PCDH9: variants seen among roughly 807,000 people sequenced by gnomAD.
PCDH9 encodes the protein protocadherin-9.
Under a neutral mutation model 70.6 loss-of-function variants are expected in PCDH9, and 24 were observed. The ratio of observed to expected loss-of-function variants is 0.34; its 90% confidence interval spans 0.25 to 0.48. The LOEUF (loss-of-function observed/expected upper bound fraction) is 0.48, where lower values mean the gene tolerates loss of function less well. PCDH9 is among the 20% of genes least tolerant of loss of function. The probability of loss-of-function intolerance (pLI) is 0.99; values close to 1 mark genes in which losing one functional copy is unlikely to be tolerated. For synonymous variants in PCDH9, 562 were observed against 558.5 expected (o/e 1.01, Z -0.09); for missense variants, 1,281 against 1,503.6 (o/e 0.85, Z 2.45).
intron 2 of PCDH9, among the ~76,000 whole-genome samples, chr13:66,966,376 G>A (rs1225978802): frequency 6.6e-6 from 1 of 152,076 alleles, no homozygotes; most frequent in Non-Finnish European, 1.5e-5. Context: ...TGTGGGTGAT[G>A]AAAACAATTC....
intron 2 of PCDH9, among the ~76,000 whole-genome samples, chr13:67,122,646 T>C (rs1438864158): frequency 2.0e-5 from 3 of 151,756 alleles, no homozygotes; most frequent in African/African-American, 4.8e-5. Flanking sequence ...TAGTGATGCG[T>C]GCCTGTAATC....
chr13:66,966,386 C>A (rs536208101), intron 2 of PCDH9, among the ~76,000 whole-genome samples: 72 of 152,048 alleles, frequency 4.7e-4, no homozygotes, highest in Non-Finnish European at 9.3e-4. Flanking sequence ...GAAAACAATT[C>A]CAAACTTTAA....
At chr13:66,912,123 A>G (rs1425709760) in intron 2 of PCDH9, among the ~76,000 whole-genome samples, 1 of 152,194 alleles carries the variant, frequency 6.6e-6, no homozygotes, top group Non-Finnish European at 1.5e-5. Flanking sequence ...TTCAAATATA[A>G]TTGGAGAGGT....
chr13:66,436,478 T>G (rs931546828), intron 4 of PCDH9, among the ~76,000 whole-genome samples: 71 of 152,276 alleles, frequency 4.7e-4, no homozygotes, highest in African/African-American at 1.7e-3. Context: ...ACCAAAATCT[T>G]TGTAGGGTTG....
intron 2 of PCDH9, among the ~76,000 whole-genome samples, chr13:67,007,870 A>G (rs2084382727): frequency 1.3e-5 from 2 of 152,196 alleles, no homozygotes; most frequent in Non-Finnish European, 2.9e-5. Flanking sequence ...ACTTTACCTC[A>G]TGAAAAACAT....
At chr13:67,221,363 A>G (rs946641376) in intron 2 of PCDH9, 1 of 152,140 alleles carries the variant, frequency 6.6e-6, no homozygotes, top group Non-Finnish European at 1.5e-5. Context: ...CATAAATGTA[A>G]TATAGTATCT....
chr13:66,841,418 T>C (rs1221712974), intron 3 of PCDH9, among the ~76,000 whole-genome samples: 1 of 152,186 alleles, frequency 6.6e-6, no homozygotes, highest in Non-Finnish European at 1.5e-5. Context: ...CAGCATAATA[T>C]GCTATTGAAA....
chr13:66,588,822 T>TA lies in PCDH9; in HGVS notation c.3340+42387dup, dbSNP rs532796338. Among the ~76,000 whole-genome samples the TA allele has an allele frequency of 5.2e-3, 758 of 144,502 alleles. 22 individuals are homozygous for TA. In the East Asian group the frequency reaches 0.087, roughly 17 times the overall value. The allele number at this position is 144,502 out of a possible 152,430, so 94.8% of individuals were successfully genotyped here. ...GGGTTCTAATGCAGTGTGTTGAAGT[T>TA]AAAAAAAAAAACTACAGATAAAAAT... On this transcript the variant is annotated intron_variant, in intron 4 of 4. Coordinates refer to ENST00000377865, the MANE Select transcript of PCDH9 (RefSeq NM_203487.3).
chr13:66,857,527 T>C (rs1457516065), intron 3 of PCDH9, among the ~76,000 whole-genome samples: 1 of 152,138 alleles, frequency 6.6e-6, no homozygotes, highest in Admixed American at 6.6e-5. Flanking sequence ...ATTGGTGTGC[T>C]AAAAGCAACA....
chr13:66,937,286 G>A lies in PCDH9; in HGVS notation c.3037-33681C>T, dbSNP rs2082932239. On this transcript the variant is annotated intron_variant, in intron 2 of 4. Transcript: ENST00000377865. ...CAGTCTCAGTAATGTTATTTAACTTGCAGAAACTTGCGGAGTTGTAGTATC... is the reference window on the plus strand; with the variant it reads ...CAGTCTCAGTAATGTTATTTAACTTACAGAAACTTGCGGAGTTGTAGTATC... Among the ~76,000 whole-genome samples, 3 of 152,164 alleles carry A rather than the reference G, an allele frequency of 2.0e-5. 1 individual carries two copies. Among genetic ancestry groups the A allele is most frequent in the African/African-American group, 7.2e-5 (3 of 41,462 alleles).
intron 4 of PCDH9, among the ~76,000 whole-genome samples, chr13:66,553,163 C>CA (rs1961568601): frequency 6.6e-6 from 1 of 152,082 alleles, no homozygotes; most frequent in Non-Finnish European, 1.5e-5. Flanking sequence ...CTATACCAGT[C>CA]AAAAAGAACA....
intron 2 of PCDH9, among the ~76,000 whole-genome samples, chr13:66,939,008 A>T (rs185538025): frequency 1.7e-3 from 259 of 152,266 alleles, no homozygotes; most frequent in Non-Finnish European, 2.6e-3. Context: ...TTAAAAAGGC[A>T]TATCAATTTA....
intron 2 of PCDH9, among the ~76,000 whole-genome samples, chr13:67,081,963 T>G (rs2085992995): frequency 6.6e-6 from 1 of 152,204 alleles, no homozygotes; most frequent in Non-Finnish European, 1.5e-5. Context: ...GTATATTCAA[T>G]GCATACAACT....
At chr13:66,948,440 C>T (rs2083124696) in intron 2 of PCDH9, among the ~76,000 whole-genome samples, 1 of 151,836 alleles carries the variant, frequency 6.6e-6, no homozygotes, top group African/African-American at 2.4e-5. Context: ...CATGCTTACT[C>T]TTGGGAAGTT....
chr13:66,404,417 G>A (rs1014172611), intron 4 of PCDH9, among the ~76,000 whole-genome samples: 7 of 152,100 alleles, frequency 4.6e-5, no homozygotes, highest in Non-Finnish European at 1.0e-4. Context: ...TAAGGGAAGG[G>A]GGAGTTTCCA....
intron 2 of PCDH9, among the ~76,000 whole-genome samples, chr13:67,198,003 T>A (rs1006461200): frequency 6.6e-6 from 1 of 151,532 alleles, no homozygotes; most frequent in Non-Finnish European, 1.5e-5. Flanking sequence ...TTTTTGATAT[T>A]TTAAAAATAA....
At chr13:66,466,009 C>A (rs932788915) in intron 4 of PCDH9, among the ~76,000 whole-genome samples, 1 of 151,872 alleles carries the variant, frequency 6.6e-6, no homozygotes, top group Non-Finnish European at 1.5e-5. Flanking sequence ...CTAAAATAAA[C>A]TAAACATTCT....
At chr13:66,627,627 A>G (rs1389651662) in intron 4 of PCDH9, among the ~76,000 whole-genome samples, 2 of 152,018 alleles carry the variant, frequency 1.3e-5, no homozygotes, top group Admixed American at 1.3e-4. Flanking sequence ...CCCCTTCCCA[A>G]TGATGAACAA....
intron 3 of PCDH9, among the ~76,000 whole-genome samples, chr13:66,871,076 A>T (rs944901749): frequency 6.6e-6 from 1 of 152,130 alleles, no homozygotes; most frequent in African/African-American, 2.4e-5. Flanking sequence ...TGATGAGTTC[A>T]TGTCCTTTGT....
Sources: gnomAD v4.1 joint callset for allele counts (sites outside exome capture counted in the v4.1 genomes callset) on GRCh38, gnomAD v4.1.1 for gene constraint, MANE v1.5 for transcripts, NCBI Gene and HGNC (gene_info 2026-07-23, HGNC 2026-07-21) for gene names.